STPG2: variants seen among roughly 807,000 people sequenced by gnomAD.
STPG2 encodes the protein sperm-tail PG-rich repeat-containing protein 2.
A neutral mutation model predicts 54.2 loss-of-function variants in STPG2; 56 were observed. The observed-to-expected ratio is 1.03, with a 90% CI of 0.83 to 1.29. STPG2 has a LOEUF of 1.29. Ranked by LOEUF, STPG2 falls within the 50% of genes most tolerant of loss-of-function variation. The pLI, the probability that STPG2 is intolerant of heterozygous loss-of-function variation, is 0.00. For synonymous variants in STPG2, 200 were observed against 181.8 expected, an observed-to-expected ratio of 1.10 and a Z score of -0.81; for missense variants, 596 against 544.9, an observed-to-expected ratio of 1.09 and a Z score of -0.93.
chr4:98,101,872 C>A (rs1355222014), intron 5 of STPG2, among the ~76,000 whole-genome samples: 1 of 145,310 alleles, frequency 6.9e-6, no homozygotes, highest in Non-Finnish European at 1.5e-5. Context: ...TCTTCCCCCT[C>A]CCCCCCGACC....
At chr4:97,885,812 G>T (rs1261024809) in intron 8 of STPG2, among the ~76,000 whole-genome samples, 2 of 151,790 alleles carry the variant, frequency 1.3e-5, no homozygotes, top group Non-Finnish European at 2.9e-5. Flanking sequence ...TGCATATTGT[G>T]GTACAACTGT....
At chr4:97,998,070 C>T (rs17027102) in intron 5 of STPG2, among the ~76,000 whole-genome samples, 61,836 of 151,916 alleles carry the variant, frequency 0.41, 12,787 homozygotes, top group African/African-American at 0.47. Flanking sequence ...GAAAATAGTT[C>T]GGTGATGATA....
At chr4:97,926,140 T>C (rs1382214886) in intron 8 of STPG2, among the ~76,000 whole-genome samples, 1 of 152,158 alleles carries the variant, frequency 6.6e-6, no homozygotes, top group African/African-American at 2.4e-5. Context: ...AGTAGCCACC[T>C]ACTGCATGAG....
At chr4:98,139,216 A>G (rs1740214033) in intron 1 of STPG2, among the ~76,000 whole-genome samples, 1 of 152,156 alleles carries the variant, frequency 6.6e-6, no homozygotes, top group African/African-American at 2.4e-5. Flanking sequence ...CAAATGGCCT[A>G]CAGCCACGGA....
chr4:97,778,586 G>A (rs951737080), intron 9 of STPG2, among the ~76,000 whole-genome samples: 1 of 152,102 alleles, frequency 6.6e-6, no homozygotes, highest in African/African-American at 2.4e-5. Context: ...AGAGAGTAGT[G>A]GTTCTCCCAG....
At chr4:98,027,427 T>C (rs1048934663) in intron 5 of STPG2, among the ~76,000 whole-genome samples, 3 of 152,122 alleles carry the variant, frequency 2.0e-5, no homozygotes, top group Admixed American at 6.5e-5. Flanking sequence ...TGAAATCTAA[T>C]CTAAATCTCA....
chr4:98,037,549 A>G (rs1253990326), intron 5 of STPG2, among the ~76,000 whole-genome samples: 1 of 152,066 alleles, frequency 6.6e-6, no homozygotes, highest in Non-Finnish European at 1.5e-5. Context: ...AAAGATGTCT[A>G]TCACTGATAC....
chr4:97,646,150 A>G (rs1164061417), intron 10 of STPG2, among the ~76,000 whole-genome samples: 16 of 152,134 alleles, frequency 1.1e-4, no homozygotes, highest in Admixed American at 9.8e-4. Context: ...AAATTAAAAT[A>G]TGTGGTTTTG....
At chr4:97,655,413 A>G (rs993371243) in intron 10 of STPG2, among the ~76,000 whole-genome samples, 3 of 152,114 alleles carry the variant, frequency 2.0e-5, no homozygotes, top group African/African-American at 7.2e-5. Context: ...TGTAGATAAC[A>G]CTAAAATTAA....
chr4:97,773,924 A>T (rs1726294215), intron 9 of STPG2, among the ~76,000 whole-genome samples: 1 of 151,718 alleles, frequency 6.6e-6, no homozygotes, highest in African/African-American at 2.4e-5. Flanking sequence ...CTGAGGAGGG[A>T]GGATTTATGG....
At chr4:97,502,739 A>G (rs1730753438) in intron 4 of STPG2, among the ~76,000 whole-genome samples, 1 of 152,084 alleles carries the variant, frequency 6.6e-6, no homozygotes, top group Non-Finnish European at 1.5e-5. Context: ...CCCTGACAAA[A>G]AAAATAATAG....
intron 5 of STPG2, among the ~76,000 whole-genome samples, chr4:98,040,922 G>C (rs1365938270): frequency 6.6e-6 from 1 of 151,330 alleles, no homozygotes; most frequent in Non-Finnish European, 1.5e-5. Flanking sequence ...AATCAACATT[G>C]AATCAAAAGA....
chr4:97,469,619 A>G (rs187671981), intron 4 of STPG2, among the ~76,000 whole-genome samples: 65 of 152,072 alleles, frequency 4.3e-4, no homozygotes, highest in Admixed American at 6.6e-4. Flanking sequence ...GCAGTCGTAC[A>G]TTTGCATCTA....
chr4:97,777,929 G>A (rs954631438), intron 9 of STPG2, among the ~76,000 whole-genome samples: 3 of 151,996 alleles, frequency 2.0e-5, no homozygotes, highest in Non-Finnish European at 2.9e-5. Context: ...ATCAATCAGG[G>A]GGGTGGTTCC....
chr4:97,765,599 A>G (rs1368210222), intron 9 of STPG2, among the ~76,000 whole-genome samples: 2 of 152,160 alleles, frequency 1.3e-5, no homozygotes, highest in African/African-American at 4.8e-5. Context: ...ATGAAGATAT[A>G]TGGAGAAGAA....
intron 4 of STPG2, among the ~76,000 whole-genome samples, chr4:97,473,530 A>G (rs1174217051): frequency 6.6e-6 from 1 of 152,158 alleles, no homozygotes; most frequent in African/African-American, 2.4e-5. Context: ...GTCTCCTGAT[A>G]AGATGTTATC....
intron 5 of STPG2, among the ~76,000 whole-genome samples, chr4:98,045,132 T>C (rs1386589634): frequency 2.0e-5 from 3 of 151,840 alleles, no homozygotes; most frequent in African/African-American, 7.3e-5. Flanking sequence ...CAACACCCCA[T>C]TCCAAGGAGT....
chr4:97,742,532 TG>T, intron 9 of STPG2, among the ~76,000 whole-genome samples: 1 of 137,548 alleles, frequency 7.3e-6, no homozygotes, highest in East Asian at 2.1e-4. Context: ...TGTGTGTGTG[TG>T]TGTGTGTGTG....
At position 98,143,183 on chromosome 4, in the gene STPG2, G is replaced by A. The variant is rs1426407943; in HGVS notation, c.-33C>T. The A allele has an allele frequency of 3.9e-6, 6 of 1,554,768 alleles. No homozygotes were observed. Among genetic ancestry groups the A allele is most frequent in the South Asian group, 3.4e-5 (3 of 88,596 alleles). On this transcript the variant is annotated 5_prime_UTR_variant, in exon 1 of 11. Transcript: ENST00000295268. ...GGGGTGGTGGGGGCGCTGGGGAAGG[G>A]CAGGTGCCGAAAACGATAAAAACAA...
Sources: allele counts gnomAD v4.1 joint callset (sites outside exome capture counted in the v4.1 genomes callset), GRCh38; gene constraint gnomAD v4.1.1; transcripts MANE v1.5; gene names NCBI Gene and HGNC (gene_info 2026-07-23, HGNC 2026-07-21).